The following DOCK3 variants were observed in gnomAD, a reference collection of about 807,000 sequenced individuals.
DOCK3 encodes dedicator of cytokinesis protein 3.
A neutral mutation model predicts 265.6 loss-of-function variants in DOCK3; 60 were observed. The observed-to-expected ratio is 0.23, with a 90% confidence interval of 0.18 to 0.28. The LOEUF (loss-of-function observed/expected upper bound fraction) is 0.28, where lower values mean the gene tolerates loss of function less well. Among genes scored for constraint, DOCK3 ranks in the 10% least tolerant of loss-of-function variants. DOCK3 has a pLI of 1.00. For missense variants in DOCK3, 1,981 were observed against 2,594.3 expected (o/e 0.76, Z 5.14); for synonymous variants, 881 against 938.0 (o/e 0.94, Z 1.11).
At chr3:50,936,321 G>C (rs1471370889) in intron 5 of DOCK3, among the ~76,000 whole-genome samples, 1 of 151,336 alleles carries the variant, frequency 6.6e-6, no homozygotes, top group Non-Finnish European at 1.5e-5. Flanking sequence ...AATAACGTAA[G>C]ATGTAACACT....
At chr3:51,317,335 C>T (rs1003612970) in intron 32 of DOCK3, among the ~76,000 whole-genome samples, 2 of 150,606 alleles carry the variant, frequency 1.3e-5, no homozygotes, top group African/African-American at 4.9e-5. Flanking sequence ...GAAAAAAGAC[C>T]TTTGAAACTT....
chr3:50,682,795 C>T (rs1032525172), intron 1 of DOCK3, among the ~76,000 whole-genome samples: 6 of 152,178 alleles, frequency 3.9e-5, no homozygotes, highest in Non-Finnish European at 7.3e-5. Flanking sequence ...AAAAATTAGC[C>T]GGGCATGGTG....
At chr3:51,292,644 A>G (rs1174292659) in intron 27 of DOCK3, among the ~76,000 whole-genome samples, 1 of 152,186 alleles carries the variant, frequency 6.6e-6, no homozygotes, top group African/African-American at 2.4e-5. Context: ...TCCTGTTTAC[A>G]ATAGTATTTT....
rs1560498568 is a variant in DOCK3 at position 51,358,041 on chromosome 3, T to C, written c.4848T>C (p.Ile1616=). The change falls in exon 46 of 53, where the codon ATT becomes ATC. Residue 1616 remains isoleucine (I), a synonymous_variant. Coordinates refer to ENST00000266037, the MANE Select transcript of DOCK3 (RefSeq NM_004947.5). ...TGCGGCCTCTGCATAAGAAGCTAAT[T>C]GATCAGTTCCAGATGATGCGGGCCA... ...PEMRPLHKKL[I]DQFQMMRASL... is the part of the protein sequence containing the mutation. The C allele has an allele frequency of 6.2e-7, 1 of 1,613,994 alleles. No homozygotes were observed. Among genetic ancestry groups the C allele is most frequent in the Non-Finnish European group, 8.5e-7 (1 of 1,179,888 alleles).
chr3:51,314,712 A>G (rs991906472), intron 31 of DOCK3, among the ~76,000 whole-genome samples: 2 of 152,216 alleles, frequency 1.3e-5, no homozygotes, highest in South Asian at 4.1e-4. Flanking sequence ...CATCTCAGAG[A>G]GATTTTCAGG....
rs183719090 is a variant in DOCK3, at chr3:50,907,535, G to A, written c.218+17454G>A. Among the ~76,000 whole-genome samples the A allele has an allele frequency of 5.5e-4, 84 of 152,022 alleles. 2 individuals are homozygous for A. The highest frequency in any genetic ancestry group is 1.9e-3 in the African/African-American group (79 of 41,386). On this transcript the variant is annotated intron_variant, in intron 4 of 52. Coordinates refer to ENST00000266037, the MANE Select transcript of DOCK3 (RefSeq NM_004947.5). The stretch of plus-strand genomic sequence containing the variant: ...GCCTTCTTTGTCTTTTTTGATCTTT[G>A]TTGGTTTAAAGTCTGTTTTATCAGA...
chr3:51,260,116 T>C (rs2079774069), intron 22 of DOCK3, 40 bp from the exon 23 acceptor site: 1 of 1,588,066 alleles, frequency 6.3e-7, no homozygotes, highest in Middle Eastern at 1.7e-4. Context: ...CCTGAGCATC[T>C]TCAACATCTC....
At chr3:50,896,207 T>C (rs6769733) in intron 4 of DOCK3, among the ~76,000 whole-genome samples, 37,483 of 152,072 alleles carry the variant, frequency 0.25, 5,817 homozygotes, top group East Asian at 0.39. Flanking sequence ...TGGCGTGAGA[T>C]GGTATTTCAT....
chr3:51,128,099 C>A (rs2084347514), intron 9 of DOCK3, among the ~76,000 whole-genome samples: 2 of 152,146 alleles, frequency 1.3e-5, no homozygotes, highest in African/African-American at 4.8e-5. Flanking sequence ...TTAATGGAAT[C>A]ATTGTGTCTT....
chr3:50,947,680 T>C (rs886970590), intron 5 of DOCK3, among the ~76,000 whole-genome samples: 10 of 152,036 alleles, frequency 6.6e-5, no homozygotes, highest in Non-Finnish European at 1.0e-4. Flanking sequence ...GTGGAATATC[T>C]GCACACTAAA....
In DOCK3 at chr3:51,236,374, T is replaced by C; in HGVS notation, c.1947T>C (p.Phe649=). The change falls in exon 20 of 53, where the codon TTT becomes TTC. Residue 649 remains phenylalanine (F), a synonymous_variant. Coordinates refer to ENST00000266037, the MANE Select transcript of DOCK3 (RefSeq NM_004947.5). ...TGCAGGACATCTTAGATACACTCTT[T>C]GTGATTTTGGATGATAATACAGAGA... ...KFLQDILDTL[F]VILDDNTEKY... The C allele has an allele frequency of 6.2e-7, 1 of 1,613,668 alleles. No individual in the cohort carries two copies. The highest frequency in any genetic ancestry group is 8.5e-7 in the Non-Finnish European group (1 of 1,179,714).
chr3:50,750,095 T>C (rs1363790122), intron 1 of DOCK3, among the ~76,000 whole-genome samples: 6 of 152,146 alleles, frequency 3.9e-5, no homozygotes, highest in African/African-American at 7.2e-5. Flanking sequence ...TAGATTCTTA[T>C]AGGAATGCAA....
chr3:51,351,562 A>T (rs1391665446), intron 40 of DOCK3, among the ~76,000 whole-genome samples: 1 of 152,186 alleles, frequency 6.6e-6, no homozygotes, highest in Non-Finnish European at 1.5e-5. Context: ...AGGGACAGCA[A>T]GCTCACTGCC....
intron 14 of DOCK3, among the ~76,000 whole-genome samples, chr3:51,222,982 A>G (rs2090168839): frequency 6.6e-6 from 1 of 152,228 alleles, no homozygotes; most frequent in African/African-American, 2.4e-5. Context: ...TCTGTCACCC[A>G]GGCTGAAGTA....
At chr3:50,922,679 C>T (rs2050552718) in intron 4 of DOCK3, among the ~76,000 whole-genome samples, 1 of 152,146 alleles carries the variant, frequency 6.6e-6, no homozygotes, top group African/African-American at 2.4e-5. Flanking sequence ...ACCTCCTCCA[C>T]CTCTGAAGTT....
intron 3 of DOCK3, among the ~76,000 whole-genome samples, chr3:50,870,316 TA>T (rs2047373997): frequency 6.6e-6 from 1 of 152,230 alleles, no homozygotes; most frequent in Non-Finnish European, 1.5e-5. Flanking sequence ...CACATATACT[TA>T]AAATTGTTAT....
chr3:50,927,890 C>T (rs2051570769), intron 4 of DOCK3, among the ~76,000 whole-genome samples: 1 of 152,010 alleles, frequency 6.6e-6, no homozygotes, highest in Non-Finnish European at 1.5e-5. Flanking sequence ...GTAACACTGC[C>T]GTTTACTTCT....
Position 51,381,420 on chromosome 3 carries a change from T to C in DOCK3, c.5954T>C (p.Leu1985Pro). 1 of 1,611,734 alleles carries C rather than the reference T, an allele frequency of 6.2e-7. No individual in the cohort carries two copies. Among genetic ancestry groups the C allele is most frequent in the Non-Finnish European group, 8.5e-7 (1 of 1,179,386 alleles). ...PKPYHPRLPA[L>P]EHDEGVLLRE... ...CCCTACCACCCCCGCCTGCCGGCCC[T>C]GGAGCACGATGAGGGGGTGCTGCTG... is the stretch of plus-strand genomic sequence containing the variant. Residue 1985 changes from leucine to proline, a missense_variant, in exon 53 of 53, where the codon CTG (leucine) becomes CCG (proline). Physicochemically the swap from Leu to Pro is moderately conservative, Grantham distance 98. Around this residue, in one of 4 missense-constraint regions of DOCK3, gnomAD observed 149 missense variants for 144.7 expected, o/e 1.03. Coordinates refer to ENST00000266037, the MANE Select transcript of DOCK3 (RefSeq NM_004947.5). The surrounding 1 kb of genome is among the most constrained non-coding windows in gnomAD (Gnocchi z 5.6).
chr3:51,056,540 G>T (rs1318398362), intron 5 of DOCK3, among the ~76,000 whole-genome samples: 1 of 152,168 alleles, frequency 6.6e-6, no homozygotes, highest in Admixed American at 6.5e-5. Context: ...GAGCCACTGT[G>T]CCTGGCCATT....
Sources: allele counts gnomAD v4.1 joint callset (sites outside exome capture counted in the v4.1 genomes callset), GRCh38; gene constraint gnomAD v4.1.1; regional missense constraint gnomAD v4.1.1; non-coding constraint Gnocchi (gnomAD v3.1); transcripts MANE v1.5; gene names NCBI Gene and HGNC (gene_info 2026-07-23, HGNC 2026-07-21).